SPHKAP: variants seen among roughly 807,000 people sequenced by gnomAD.
SPHKAP encodes A-kinase anchor protein SPHKAP.
Under a neutral mutation model 137.5 loss-of-function variants are expected in SPHKAP, and 67 were observed. The observed-to-expected ratio is 0.49, with a 90% CI of 0.40 to 0.60. SPHKAP has a LOEUF of 0.60. SPHKAP is among the 20% of genes least tolerant of loss of function. SPHKAP has a pLI of 0.00. For synonymous variants in SPHKAP, 813 were observed against 785.3 expected, an observed-to-expected ratio of 1.04 and a Z score of -0.59; for missense variants, 2,097 against 2,069.3, an observed-to-expected ratio of 1.01 and a Z score of -0.26.
At chr2:228,069,095 C>T (rs13006034) in intron 3 of SPHKAP, among the ~76,000 whole-genome samples, 3 of 152,028 alleles carry the variant, frequency 2.0e-5, no homozygotes, top group East Asian at 1.9e-4. Flanking sequence ...GGCAAAACCC[C>T]GTCTCTACTA....
chr2:228,141,131 G>C (rs1312883470), intron 1 of SPHKAP, among the ~76,000 whole-genome samples: 1 of 152,176 alleles, frequency 6.6e-6, no homozygotes, highest in Non-Finnish European at 1.5e-5. Context: ...CTTTGCTTCT[G>C]TGACCGTGTC....
At chr2:228,049,646 C>T (rs544126587) in intron 3 of SPHKAP, among the ~76,000 whole-genome samples, 4 of 152,308 alleles carry the variant, frequency 2.6e-5, no homozygotes, top group African/African-American at 9.6e-5. Context: ...AGCCCTTGGA[C>T]TCCCACCTCT....
intron 7 of SPHKAP, among the ~76,000 whole-genome samples, chr2:228,005,132 C>A (rs1694077661): frequency 1.3e-5 from 2 of 152,300 alleles, no homozygotes; most frequent in Admixed American, 6.5e-5. Context: ...TCTCGTTGAT[C>A]TGTCTAATGT....
At chr2:228,140,425 G>T (rs1467389145) in intron 1 of SPHKAP, among the ~76,000 whole-genome samples, 8 of 152,054 alleles carry the variant, frequency 5.3e-5, no homozygotes, top group Non-Finnish European at 1.5e-5. Flanking sequence ...ACTTGGGCAG[G>T]TGTCTCACTC....
chr2:228,023,825 T>G (rs920452701), intron 5 of SPHKAP, among the ~76,000 whole-genome samples: 2 of 152,178 alleles, frequency 1.3e-5, no homozygotes, highest in African/African-American at 4.8e-5. Flanking sequence ...ATCATGTGAC[T>G]TAAGCCTGGC....
chr2:228,128,517 T>C (rs1039811619), intron 2 of SPHKAP, among the ~76,000 whole-genome samples: 5 of 152,220 alleles, frequency 3.3e-5, no homozygotes, highest in African/African-American at 1.2e-4. Flanking sequence ...GTTAATATTT[T>C]GACCTTCTTC....
intron 3 of SPHKAP, among the ~76,000 whole-genome samples, chr2:228,046,401 A>G (rs1696059571): frequency 6.7e-6 from 1 of 148,396 alleles, no homozygotes; most frequent in South Asian, 2.1e-4. Context: ...TTAGGCAATG[A>G]CTTTTAGGAA....
At chr2:228,082,624 G>A (rs1216009780) in intron 3 of SPHKAP, among the ~76,000 whole-genome samples, 2 of 152,132 alleles carry the variant, frequency 1.3e-5, no homozygotes, top group South Asian at 2.1e-4. Flanking sequence ...CAGTCACCAC[G>A]AAGTCACAGG....
At chr2:228,062,268 G>C (rs1275788860) in intron 3 of SPHKAP, among the ~76,000 whole-genome samples, 1 of 151,904 alleles carries the variant, frequency 6.6e-6, no homozygotes, top group Admixed American at 6.6e-5. Flanking sequence ...GGGACTACAG[G>C]GGGGTGCCAC....
At chr2:227,987,609 C>A (rs2106155691) in intron 11 of SPHKAP, among the ~76,000 whole-genome samples, 1 of 152,212 alleles carries the variant, frequency 6.6e-6, no homozygotes, top group Middle Eastern at 3.4e-3. Context: ...TACCATTTGT[C>A]ACGAGAGGAG....
At chr2:228,053,728 G>A (rs1696339894) in intron 3 of SPHKAP, among the ~76,000 whole-genome samples, 1 of 152,042 alleles carries the variant, frequency 6.6e-6, no homozygotes, top group Non-Finnish European at 1.5e-5. Context: ...GTTATTTCCT[G>A]GATTTTTAGA....
At chr2:228,087,865 G>T (rs1318508376) in intron 3 of SPHKAP, among the ~76,000 whole-genome samples, 1 of 151,384 alleles carries the variant, frequency 6.6e-6, no homozygotes, top group African/African-American at 2.4e-5. Flanking sequence ...AGAGAGGAGC[G>T]GCAAATATTT....
At chr2:228,176,108 A>G (rs1194830747) in intron 1 of SPHKAP, among the ~76,000 whole-genome samples, 1 of 152,210 alleles carries the variant, frequency 6.6e-6, no homozygotes, top group African/African-American at 2.4e-5. Context: ...GTAGGTAAGC[A>G]TTTTGCCCCA....
intron 8 of SPHKAP, among the ~76,000 whole-genome samples, chr2:227,994,521 T>C (rs770654689): frequency 2.0e-5 from 3 of 151,668 alleles, no homozygotes; most frequent in Non-Finnish European, 4.4e-5. Flanking sequence ...GTGGGACGGC[T>C]TTCTCCTGGA....
At chr2:228,115,387 C>A (rs945126332) in intron 2 of SPHKAP, among the ~76,000 whole-genome samples, 17 of 152,108 alleles carry the variant, frequency 1.1e-4, no homozygotes, top group African/African-American at 3.9e-4. Flanking sequence ...AGAAACCTGA[C>A]TTCCTGACTT....
At chr2:228,157,573 C>A (rs1488897993) in intron 1 of SPHKAP, among the ~76,000 whole-genome samples, 3 of 152,070 alleles carry the variant, frequency 2.0e-5, no homozygotes, top group African/African-American at 4.8e-5. Flanking sequence ...GTTATTACTC[C>A]TTTTTAGTTG....
intron 1 of SPHKAP, among the ~76,000 whole-genome samples, chr2:228,179,899 G>A (rs747500889): frequency 1.4e-4 from 21 of 152,166 alleles, no homozygotes; most frequent in Non-Finnish European, 2.2e-4. Context: ...CCGGATTAAA[G>A]CAATCAATCT....
Position 228,113,603 on chromosome 2 carries a change from ATCTCTCTCTCTCTCTCTCTCTC to A in SPHKAP, c.139-4686_139-4665del, listed in dbSNP as rs139499722. Among the ~76,000 whole-genome samples, 24 of 97,980 alleles carry A rather than the reference ATCTCTCTCTCTCTCTCTCTCTC, an allele frequency of 2.4e-4. 1 individual carries two copies. Among genetic ancestry groups the A allele is most frequent in the African/African-American group, 4.9e-4 (14 of 28,328 alleles). The allele number at this position is 97,980 out of a possible 152,430, so 64.3% of individuals were successfully genotyped here. ...CAAATCCCAGTCTATGCATTTAGCC[ATCTCTCTCTCTCTCTCTCTCTC>A]TCTCTCTCTCTCTCTCTCTCTCTCT... On this transcript the variant is annotated intron_variant, in intron 2 of 11. Coordinates refer to ENST00000392056, the MANE Select transcript of SPHKAP (RefSeq NM_001142644.2).
intron 3 of SPHKAP, among the ~76,000 whole-genome samples, chr2:228,047,106 G>A (rs1696089117): frequency 6.6e-6 from 1 of 152,184 alleles, no homozygotes; most frequent in African/African-American, 2.4e-5. Context: ...GTAGGAAAAT[G>A]TGTTTCTTGT....
Sources: allele counts gnomAD v4.1 joint callset (sites outside exome capture counted in the v4.1 genomes callset), GRCh38; gene constraint gnomAD v4.1.1; transcripts MANE v1.5; gene names NCBI Gene and HGNC (gene_info 2026-07-23, HGNC 2026-07-21).